Variants in LINGO2 observed in about 807,000 individuals in gnomAD.
The protein encoded by LINGO2 is leucine rich repeat and Ig domain containing 2, also known as leucine-rich repeat and immunoglobulin-like domain-containing nogo receptor-interacting protein 2.
In LINGO2, 14 loss-of-function variants were observed where a neutral mutation model predicts 30.6. That is an observed-to-expected ratio of 0.46 (90% CI 0.30 to 0.72). LINGO2 has a LOEUF of 0.72. Ranked by LOEUF, LINGO2 falls within the 30% of genes least tolerant of loss-of-function variation. LINGO2 has a pLI of 0.07. For synonymous variants in LINGO2, 317 were observed against 288.5 expected (o/e 1.10, Z -1.00); for missense variants, 729 against 751.7 (o/e 0.97, Z 0.35).
the LINGO2 span, among the ~76,000 whole-genome samples, chr9:28,880,226 TCTGA>T: frequency 6.6e-6 from 1 of 152,124 alleles, no homozygotes; most frequent in African/African-American, 2.4e-5. Context: ...GAAAGAGAGA[TCTGA>T]CTGTTACTGT....
chr9:28,082,983 C>G (rs566186275), intron 4 of LINGO2, among the ~76,000 whole-genome samples: 1 of 152,286 alleles, frequency 6.6e-6, no homozygotes, highest in East Asian at 1.9e-4. Context: ...CTTTGGTACT[C>G]CCATAGCACT....
intron 1 of LINGO2, among the ~76,000 whole-genome samples, chr9:28,491,911 T>A (rs1826409878): frequency 6.6e-6 from 1 of 152,194 alleles, no homozygotes; most frequent in Admixed American, 6.5e-5. Flanking sequence ...GGTTCCTGAC[T>A]GCTAAAGCAA....
chr9:29,162,077 G>A, the LINGO2 span, among the ~76,000 whole-genome samples: 1 of 151,984 alleles, frequency 6.6e-6, no homozygotes, highest in Non-Finnish European at 1.5e-5. Flanking sequence ...CCGCCATCAC[G>A]CATGGCTAAT....
chr9:28,476,431 A>G (rs1199530387), intron 1 of LINGO2, among the ~76,000 whole-genome samples: 1 of 151,818 alleles, frequency 6.6e-6, no homozygotes, highest in Non-Finnish European at 1.5e-5. Flanking sequence ...GCCCGCCACC[A>G]CGCCCGGCTA....
At chr9:28,984,075 C>T in the LINGO2 span, among the ~76,000 whole-genome samples, 1 of 152,098 alleles carries the variant, frequency 6.6e-6, no homozygotes. Flanking sequence ...ACAATATAAT[C>T]CCTTCTTCAC....
chr9:28,349,111 T>C (rs1052556086), intron 3 of LINGO2, among the ~76,000 whole-genome samples: 30 of 152,304 alleles, frequency 2.0e-4, no homozygotes, highest in Admixed American at 1.3e-3. Flanking sequence ...TCCAAAGGAA[T>C]GCAGTTCCTC....
intron 1 of LINGO2, among the ~76,000 whole-genome samples, chr9:28,479,910 GGTAT>G (rs1443947796): frequency 1.0e-3 from 18 of 17,232 alleles, no homozygotes; most frequent in African/African-American, 2.4e-3. Flanking sequence ...TATATACGTA[GGTAT>G]ATATATATAT....
chr9:27,940,776 A>T, the LINGO2 span: 3 of 152,238 alleles, frequency 2.0e-5, no homozygotes, highest in African/African-American at 4.8e-5. Flanking sequence ...GTAATACATG[A>T]CCAGAAAGTC....
At chr9:28,499,057 A>T (rs73439372) in intron 1 of LINGO2, among the ~76,000 whole-genome samples, 1,607 of 152,238 alleles carry the variant, frequency 0.011, 22 homozygotes, top group African/African-American at 0.037. Flanking sequence ...TTTCACAAGA[A>T]AGTAGCCTTC....
the LINGO2 span, among the ~76,000 whole-genome samples, chr9:29,118,397 A>C: frequency 2.0e-5 from 3 of 152,208 alleles, no homozygotes; most frequent in Non-Finnish European, 2.9e-5. Context: ...TATTTTCTGA[A>C]TCAAGAATCT....
chr9:28,689,805 G>C, the LINGO2 span, among the ~76,000 whole-genome samples: 1 of 152,106 alleles, frequency 6.6e-6, no homozygotes, highest in South Asian at 2.1e-4. Context: ...CAACAGCAAA[G>C]ACATAAAGTC....
the LINGO2 span, among the ~76,000 whole-genome samples, chr9:29,123,425 T>C: frequency 1.3e-5 from 2 of 152,094 alleles, no homozygotes; most frequent in Non-Finnish European, 2.9e-5. Flanking sequence ...AGGAATATTA[T>C]TTCAAATGTA....
At chr9:28,731,281 G>A in the LINGO2 span, among the ~76,000 whole-genome samples, 2 of 152,026 alleles carry the variant, frequency 1.3e-5, no homozygotes, top group Non-Finnish European at 2.9e-5. Flanking sequence ...GAGCCACTGC[G>A]CCCAGCCTAG....
the LINGO2 span, among the ~76,000 whole-genome samples, chr9:28,865,200 T>C: frequency 6.6e-6 from 1 of 152,144 alleles, no homozygotes; most frequent in Non-Finnish European, 1.5e-5. Flanking sequence ...AAAGGAAAAC[T>C]GCTGCTACAG....
chr9:28,213,745 T>G (rs1341838332), intron 4 of LINGO2, among the ~76,000 whole-genome samples: 1 of 151,490 alleles, frequency 6.6e-6, no homozygotes, highest in Non-Finnish European at 1.5e-5. Context: ...ATATTCTCAG[T>G]GGTTATATAT....
intron 4 of LINGO2, among the ~76,000 whole-genome samples, chr9:28,121,343 CCT>C (rs1827092116): frequency 6.6e-6 from 1 of 152,050 alleles, no homozygotes; most frequent in South Asian, 2.1e-4. Flanking sequence ...TTTTACTTTA[CCT>C]ATGCAATGTA....
At chr9:28,080,349 T>C (rs906283049) in intron 4 of LINGO2, among the ~76,000 whole-genome samples, 1 of 152,204 alleles carries the variant, frequency 6.6e-6, no homozygotes, top group Non-Finnish European at 1.5e-5. Flanking sequence ...CTTTTACTTA[T>C]TCACTAGAAT....
At chr9:29,212,801 G>A in the LINGO2 span, among the ~76,000 whole-genome samples, 1 of 152,172 alleles carries the variant, frequency 6.6e-6, no homozygotes, top group Admixed American at 6.5e-5. Context: ...GGCGGGTCGT[G>A]CGATCGCGTA....
At chr9:27,972,326 T>A (rs1289199843) in intron 5 of LINGO2, among the ~76,000 whole-genome samples, 9 of 151,814 alleles carry the variant, frequency 5.9e-5, no homozygotes, top group Admixed American at 5.9e-4. Flanking sequence ...GTTAATTAGA[T>A]AAAATTGTCT....
Sources: gnomAD v4.1 joint callset for allele counts (sites outside exome capture counted in the v4.1 genomes callset) on GRCh38, gnomAD v4.1.1 for gene constraint, MANE v1.5 for transcripts, NCBI Gene and HGNC (gene_info 2026-07-23, HGNC 2026-07-21) for gene names.